Variants in THADA observed in about 807,000 individuals in gnomAD.
THADA encodes THADA armadillo repeat containing, also known as tRNA (32-2'-O)-methyltransferase regulator THADA.
Under a neutral mutation model 219.8 loss-of-function variants are expected in THADA, and 213 were observed. That is an observed-to-expected ratio of 0.97 (90% CI 0.87 to 1.09). The LOEUF is 1.09. Ranked by LOEUF, THADA falls within the 50% of genes least tolerant of loss-of-function variation. The pLI is 0.00. For missense variants in THADA, 2,956 were observed against 2,311.3 expected, an observed-to-expected ratio of 1.28 and a Z score of -5.72; for synonymous variants, 1,018 against 828.9, an observed-to-expected ratio of 1.23 and a Z score of -3.92.
At chr2:43,491,671 A>T (rs373534056) in intron 25 of THADA, among the ~76,000 whole-genome samples, 1 of 152,206 alleles carries the variant, frequency 6.6e-6, no homozygotes. Context: ...ATAATAAGCT[A>T]TATCATACAA....
chr2:43,551,749 C>T (rs768799419), intron 19 of THADA, 40 bp downstream of exon 19: 1 of 1,565,470 alleles, frequency 6.4e-7, no homozygotes, highest in Non-Finnish European at 8.6e-7. Context: ...ACATAATAAT[C>T]AAACCACAGC....
intron 1 of THADA, among the ~76,000 whole-genome samples, chr2:43,594,827 T>C (rs192725855): frequency 1.3e-4 from 20 of 152,300 alleles, no homozygotes; most frequent in Non-Finnish European, 4.4e-5. Context: ...ACCATTCATG[T>C]TTCTGCTGCA....
chr2:43,472,916 TAA>T (rs199524026), intron 26 of THADA, among the ~76,000 whole-genome samples: 2 of 150,766 alleles, frequency 1.3e-5, no homozygotes, highest in African/African-American at 4.9e-5. Flanking sequence ...CTATAAGAGA[TAA>T]AAAAAAATGG....
chr2:43,411,247 A>G (rs1676267136), intron 28 of THADA, among the ~76,000 whole-genome samples: 2 of 152,362 alleles, frequency 1.3e-5, no homozygotes, highest in Admixed American at 1.3e-4. Context: ...AGTCTGTCTC[A>G]CTGCAGAGCC....
At chr2:43,486,076 C>A (rs373916211) in intron 25 of THADA, among the ~76,000 whole-genome samples, 1 of 151,812 alleles carries the variant, frequency 6.6e-6, no homozygotes, top group African/African-American at 2.4e-5. Context: ...AGAGTGAGAA[C>A]CTGTCTTTAA....
At chr2:43,261,049 A>G (rs1670877004) in intron 36 of THADA, among the ~76,000 whole-genome samples, 2 of 152,130 alleles carry the variant, frequency 1.3e-5, no homozygotes, top group East Asian at 1.9e-4. Context: ...TTTACCCGAT[A>G]TGTAAAGGCT....
At chr2:43,499,444 T>A (rs1688651577) in intron 24 of THADA, among the ~76,000 whole-genome samples, 1 of 152,220 alleles carries the variant, frequency 6.6e-6, no homozygotes, top group Admixed American at 6.5e-5. Context: ...TGGCACAGTC[T>A]CGGCTCACTA....
At chr2:43,568,918 C>T (rs1698983761) in intron 14 of THADA, among the ~76,000 whole-genome samples, 1 of 152,082 alleles carries the variant, frequency 6.6e-6, no homozygotes, top group Non-Finnish European at 1.5e-5. Flanking sequence ...TTTAACTATC[C>T]TACACACACA....
chr2:43,570,055 C>G (rs1038565543), intron 14 of THADA, among the ~76,000 whole-genome samples: 7 of 152,184 alleles, frequency 4.6e-5, no homozygotes, highest in Admixed American at 4.6e-4. Flanking sequence ...CCAGCAACAG[C>G]AGTCTTCTGC....
At chr2:43,423,924 C>G (rs1452781053) in intron 28 of THADA, among the ~76,000 whole-genome samples, 1 of 152,122 alleles carries the variant, frequency 6.6e-6, no homozygotes, top group East Asian at 1.9e-4. Flanking sequence ...AGTCAAGGTT[C>G]TTTTTAAAGC....
At chr2:43,368,489 T>C (rs1470929361) in intron 29 of THADA, among the ~76,000 whole-genome samples, 6 of 152,022 alleles carry the variant, frequency 3.9e-5, no homozygotes, top group Non-Finnish European at 8.8e-5. Flanking sequence ...CTTGATCTCC[T>C]GGACTCAAGT....
At chr2:43,551,653 C>A in intron 19 of THADA, 136 bp downstream of exon 19, 1 of 767,730 alleles carries the variant, frequency 1.3e-6, no homozygotes. Context: ...GCAGAAATAC[C>A]ACAAATAATA....
chr2:43,571,726 A>C lies in THADA; in HGVS notation c.2045T>G (p.Ile682Ser). 9 of 1,613,748 alleles carry C rather than the reference A, an allele frequency of 5.6e-6. No homozygotes were observed. Among genetic ancestry groups the C allele is most frequent in the Non-Finnish European group, 7.6e-6 (9 of 1,179,774 alleles). The change falls in exon 13 of 38, where the codon ATC becomes AGC. Residue 682 changes from isoleucine to serine, a missense_variant. Physicochemically the swap from Ile to Ser is moderately radical, Grantham distance 142. Transcript: ENST00000405975. ...TTCTACCTTTTTAAGAAGAGAACAGATCTGTTGCCGCACTCCTGGAGACTG... is the reference window on the plus strand; with the variant it reads ...TTCTACCTTTTTAAGAAGAGAACAGCTCTGTTGCCGCACTCCTGGAGACTG... The part of the protein sequence containing the change: ...NSQSPGVRQQ[I>S]CSLLKKLFCR...
At chr2:43,459,789 G>A (rs1683412590) in intron 26 of THADA, among the ~76,000 whole-genome samples, 1 of 152,310 alleles carries the variant, frequency 6.6e-6, no homozygotes, top group Non-Finnish European at 1.5e-5. Context: ...AAAGCATGCT[G>A]TGTCAGTTAG....
intron 21 of THADA, among the ~76,000 whole-genome samples, chr2:43,530,488 T>C (rs1314583756): frequency 6.6e-6 from 1 of 152,222 alleles, no homozygotes; most frequent in Admixed American, 6.5e-5. Flanking sequence ...ACCAGTTAGC[T>C]TATTTGTAAT....
chr2:43,514,547 A>G (rs1259731204), intron 22 of THADA, among the ~76,000 whole-genome samples: 4 of 131,864 alleles, frequency 3.0e-5, no homozygotes, highest in Non-Finnish European at 6.2e-5. Flanking sequence ...TATATTTTAT[A>G]CACAATATAA....
At position 43,326,150 on chromosome 2, in the gene THADA, G is replaced by A. The variant is rs77277364; in HGVS notation, c.4344-5610C>T. ...AGGTCATATGTAAAAGCTGTTTCTT[G>A]TTGTCAATGTCTGTCAAAAAAAAAA... On this transcript the variant is annotated intron_variant, in intron 30 of 37. Transcript: ENST00000405975. Among the ~76,000 whole-genome samples, 869 of 133,112 alleles carry A rather than the reference G, an allele frequency of 6.5e-3. 14 individuals are homozygous for A. Among genetic ancestry groups the A allele is most frequent in the African/African-American group, 0.023 (818 of 35,406 alleles). The allele number at this position is 133,112 out of a possible 152,430, so 87.3% of individuals were successfully genotyped here. A position where few individuals can be genotyped will look rare whatever the true frequency, so the allele number is the denominator to read the frequency against.
At chr2:43,423,273 A>G (rs1677959270) in intron 28 of THADA, among the ~76,000 whole-genome samples, 1 of 152,170 alleles carries the variant, frequency 6.6e-6, no homozygotes, top group African/African-American at 2.4e-5. Context: ...AGCCATTAAC[A>G]GCATAATCAT....
intron 20 of THADA, among the ~76,000 whole-genome samples, chr2:43,542,696 T>C (rs1695482181): frequency 6.6e-6 from 1 of 152,140 alleles, no homozygotes; most frequent in African/African-American, 2.4e-5. Context: ...ATGAACCACA[T>C]TGCTGGGAGA....
Sources: gnomAD v4.1 joint callset for allele counts (sites outside exome capture counted in the v4.1 genomes callset) on GRCh38, gnomAD v4.1.1 for gene constraint, MANE v1.5 for transcripts, NCBI Gene and HGNC (gene_info 2026-07-23, HGNC 2026-07-21) for gene names.